BICRA: variants seen among roughly 807,000 people sequenced by gnomAD.
The protein encoded by BICRA is BRD4-interacting chromatin-remodeling complex-associated protein.
Under a neutral mutation model 96.9 loss-of-function variants are expected in BICRA, and 31 were observed. The ratio of observed to expected loss-of-function variants is 0.32; its 90% CI spans 0.24 to 0.43. The LOEUF is 0.43. Ranked by LOEUF, BICRA falls within the 20% of genes least tolerant of loss-of-function variation. BICRA has a pLI of 1.00. For missense variants in BICRA, 2,283 were observed against 2,190.3 expected (o/e 1.04, Z -0.84); for synonymous variants, 1,350 against 1,071.8 (o/e 1.26, Z -5.07).
rs1973320973 is a variant in BICRA at position 47,695,362 on chromosome 19, C to T, written c.3077-3C>T. ...CTGTCTCCCCCACCCCACCCACCCC[C>T]AGGCCTCCCTCCTCTGCTTCCAGCC... On this transcript the variant is annotated splice_polypyrimidine_tract_variant and splice_region_variant and intron_variant, in intron 9 of 14. Coordinates refer to ENST00000594866, the MANE Select transcript of BICRA (RefSeq NM_001394372.1). The T allele has an allele frequency of 3.4e-6, 4 of 1,171,272 alleles. No homozygotes were observed. The highest frequency in any genetic ancestry group is 1.4e-5 in the South Asian group (1 of 73,614). 72.6% of individuals were successfully genotyped at this position (1,171,272 alleles called of 1,614,324 possible).
At chr19:47,696,367 T>C in intron 10 of BICRA, 84 bp from the exon 11 acceptor site, 1 of 1,320,768 alleles carries the variant, frequency 7.6e-7, no homozygotes, top group Non-Finnish European at 1.1e-6. Context: ...CTGTCCCGTC[T>C]TTATCCTAGG....
rs1000134353 is a variant in BICRA, at chr19:47,701,121, C to T, written c.3596-207C>T. On this transcript the variant is annotated intron_variant, in intron 14 of 14. Coordinates refer to ENST00000594866, the MANE Select transcript of BICRA (RefSeq NM_001394372.1). The surrounding 1 kb of genome is among the most constrained non-coding windows in gnomAD (Gnocchi z 5.4). ...TGAATGAGCCCCACGTGGCTCGTGG[C>T]GCTGTGCCAGGCACAGTGGTTTTAG... is the stretch of plus-strand genomic sequence containing the variant. The T allele has an allele frequency of 1.4e-5, 8 of 582,398 alleles. No homozygotes were observed. Among genetic ancestry groups the T allele is most frequent in the Middle Eastern group, 3.9e-4 (1 of 2,562 alleles). 36.1% of individuals were successfully genotyped at this position (582,398 alleles called of 1,614,324 possible). A position where few individuals can be genotyped will look rare whatever the true frequency, so the allele number is the denominator to read the frequency against.
At chr19:47,612,592 C>T (rs907756246) in intron 1 of BICRA, among the ~76,000 whole-genome samples, 7 of 150,682 alleles carry the variant, frequency 4.6e-5, no homozygotes, top group East Asian at 2.0e-4. Flanking sequence ...TTTACCCATG[C>T]GGAATACATG....
chr19:47,650,200 C>T (rs1056004528), intron 1 of BICRA, among the ~76,000 whole-genome samples: 18 of 151,940 alleles, frequency 1.2e-4, no homozygotes, highest in Admixed American at 5.3e-4. Context: ...GGTGCAATCT[C>T]GGCTCACTGC....
Position 47,702,347 on chromosome 19 carries a change from C to G in BICRA, c.4615C>G (p.His1539Asp), listed in dbSNP as rs1973476353. 1 of 1,542,734 alleles carries G rather than the reference C, an allele frequency of 6.5e-7. No homozygotes were observed. Among genetic ancestry groups the G allele is most frequent in the Non-Finnish European group, 8.7e-7 (1 of 1,154,788 alleles). ...CACCCCCGCATCCCCGCCGCCCCTG[C>G]ACAGGCCCGAGGCCTACCCACCCTC... is the stretch of plus-strand genomic sequence containing the variant. ...AGTPASPPPL[H>D]RPEAYPPSSH... The change falls in exon 15 of 15, where the codon CAC becomes GAC. Residue 1539 changes from histidine (H) to aspartate (D), a missense_variant. Physicochemically the swap from His to Asp is moderately conservative, Grantham distance 81 (BLOSUM62 -1). Coordinates refer to ENST00000594866, the MANE Select transcript of BICRA (RefSeq NM_001394372.1).
intron 1 of BICRA, among the ~76,000 whole-genome samples, chr19:47,644,474 A>C (rs1160689898): frequency 8.3e-4 from 40 of 48,156 alleles, no homozygotes; most frequent in African/African-American, 8.9e-4. Context: ...CCCTTTCCCT[A>C]CCCCTTCCCC....
At chr19:47,657,146 C>T (rs1307467725) in intron 1 of BICRA, among the ~76,000 whole-genome samples, 1 of 152,122 alleles carries the variant, frequency 6.6e-6, no homozygotes, top group Admixed American at 6.6e-5. Context: ...CAGGCGTGAG[C>T]CACTGCGCCG....
intron 1 of BICRA, among the ~76,000 whole-genome samples, chr19:47,617,354 T>A (rs1972000729): frequency 6.6e-6 from 1 of 151,980 alleles, no homozygotes; most frequent in Admixed American, 6.6e-5. Flanking sequence ...TATTTATTGT[T>A]ATTTTAACTT....
At chr19:47,635,395 G>A (rs1246549657) in intron 1 of BICRA, among the ~76,000 whole-genome samples, 1 of 151,956 alleles carries the variant, frequency 6.6e-6, no homozygotes, top group Non-Finnish European at 1.5e-5. Flanking sequence ...CTACAGGAGC[G>A]TGCCACCACA....
intron 7 of BICRA, among the ~76,000 whole-genome samples, chr19:47,685,626 A>G (rs986778457): frequency 6.6e-6 from 1 of 152,110 alleles, no homozygotes; most frequent in African/African-American, 2.4e-5. Context: ...AGCAGTTCCC[A>G]ATCTGGGTGA....
At chr19:47,617,452 C>T (rs1972002353) in intron 1 of BICRA, among the ~76,000 whole-genome samples, 1 of 152,100 alleles carries the variant, frequency 6.6e-6, no homozygotes, top group African/African-American at 2.4e-5. Context: ...CAACCTCCGC[C>T]TCCCAGGCTC....
chr19:47,640,393 G>A (rs1972366443), intron 1 of BICRA, among the ~76,000 whole-genome samples: 1 of 152,102 alleles, frequency 6.6e-6, no homozygotes, highest in African/African-American at 2.4e-5. Flanking sequence ...AGCCAGGCAT[G>A]ATGGTGTGTG....
At position 47,694,612 on chromosome 19, in the gene BICRA, C is replaced by T. The variant is rs1973301846; in HGVS notation, c.2781C>T (p.His927=). ...HKSPTPPPTL[H]LVPEPAAPPP... is the part of the protein sequence containing the mutation. Reference sequence around the variant, plus strand: ...CCCCCACTCCCCCTCCAACCCTCCACCTGGTCCCTGAGCCGGCAGCACCCC... The same window carrying T: ...CCCCCACTCCCCCTCCAACCCTCCATCTGGTCCCTGAGCCGGCAGCACCCC... Residue 927 remains histidine (H), a synonymous_variant, in exon 8 of 15, where the codon CAC becomes CAT. Transcript: ENST00000594866. 4.5e-6 allele frequency: 7 copies of T among 1,567,562 alleles called. No homozygotes were observed. Among genetic ancestry groups the T allele is most frequent in the Non-Finnish European group, 6.1e-6 (7 of 1,139,156 alleles).
intron 10 of BICRA, among the ~76,000 whole-genome samples, chr19:47,696,188 G>A (rs1265397423): frequency 2.6e-5 from 4 of 152,116 alleles, no homozygotes; most frequent in Non-Finnish European, 4.4e-5. Flanking sequence ...GCAGCCCTGG[G>A]CGAGGGGACG....
chr19:47,649,707 G>T (rs1293255196), intron 1 of BICRA, among the ~76,000 whole-genome samples: 1 of 152,144 alleles, frequency 6.6e-6, no homozygotes, highest in African/African-American at 2.4e-5. Context: ...GGAAACAAGG[G>T]ACTCATAATA....
At chr19:47,655,525 CAAAAAAAAA>C (rs58172799) in intron 1 of BICRA, among the ~76,000 whole-genome samples, 2 of 65,122 alleles carry the variant, frequency 3.1e-5, no homozygotes, top group Admixed American at 2.0e-4. Context: ...AACTCTGTCT[CAAAAAAAAA>C]AAAAAAAAAA....
In BICRA at chr19:47,631,657, A is replaced by T. The variant is rs116937334; in HGVS notation, c.-108+22489A>T. Among the ~76,000 whole-genome samples, 203 of 151,844 alleles carry T rather than the reference A, an allele frequency of 1.3e-3. 2 individuals carry two copies. The East Asian group carries it at 0.032, about 24-fold the overall frequency. ...CGGGATTACAGATGTGAGCCACCGC[A>T]CTCGGCCGATTTATGTTTATTATAA... On this transcript the variant is annotated intron_variant, in intron 1 of 14. Coordinates refer to ENST00000594866, the MANE Select transcript of BICRA (RefSeq NM_001394372.1).
In BICRA at chr19:47,673,796, G is replaced by GT. The variant is rs776293156; in HGVS notation, c.84+35dup. ...GGGCGCAGGGAGAGGCATTCCCTGA[G>GT]TGGGGGGCTGTCTAATTGGGAGTGA... is the stretch of plus-strand genomic sequence containing the variant. On this transcript the variant is annotated intron_variant, in intron 4 of 14. Coordinates refer to ENST00000594866, the MANE Select transcript of BICRA (RefSeq NM_001394372.1). 1.9e-6 allele frequency: 3 copies of GT among 1,570,020 alleles called. No individual in the cohort carries two copies. In the East Asian group the frequency reaches 6.7e-5, roughly 35 times the overall value.
chr19:47,698,299 G>T lies in BICRA; in HGVS notation c.3249-335G>T, dbSNP rs1973379728. On this transcript the variant is annotated intron_variant, in intron 11 of 14. Coordinates refer to ENST00000594866, the MANE Select transcript of BICRA (RefSeq NM_001394372.1). This position sits in a 1 kb window ranked among gnomAD's most constrained non-coding sequence, Gnocchi z 4.8. ...GGTGGAGCCACACTGGCCCCAGGTG[G>T]CAGGAGGCAGAATAGCAGCTTCCAG... Among the ~76,000 whole-genome samples the T allele has an allele frequency of 6.6e-6, 1 of 152,154 alleles. No homozygotes were observed. Among genetic ancestry groups the T allele is most frequent in the African/African-American group, 2.4e-5 (1 of 41,430 alleles).
Sources: gnomAD v4.1 joint callset for allele counts (sites outside exome capture counted in the v4.1 genomes callset) on GRCh38, gnomAD v4.1.1 for gene constraint, Gnocchi (gnomAD v3.1) non-coding constraint, MANE v1.5 for transcripts, NCBI Gene and HGNC (gene_info 2026-07-23, HGNC 2026-07-21) for gene names.